SYT1: variants seen among roughly 807,000 people sequenced by gnomAD.
SYT1 encodes synaptotagmin-1.
A neutral mutation model predicts 44.8 loss-of-function variants in SYT1; 8 were observed. The ratio of observed to expected loss-of-function variants is 0.18; its 90% CI spans 0.10 to 0.32. The LOEUF is 0.32. SYT1 is among the 10% of genes least tolerant of loss of function. The pLI is 1.00. For synonymous variants in SYT1, 154 were observed against 188.8 expected, an observed-to-expected ratio of 0.82 and a Z score of 1.51; for missense variants, 286 against 509.3, an observed-to-expected ratio of 0.56 and a Z score of 4.22.
chr12:78,969,337 G>A lies in SYT1; in HGVS notation c.-216-8462G>A, dbSNP rs1239969933. On this transcript the variant is annotated intron_variant, in intron 1 of 10. Transcript: ENST00000261205. ...GACTGAATAAGATAAAGGTACAATG[G>A]CAATGGAAGACTTCCCTACAAAGGT... Among the ~76,000 whole-genome samples the A allele has an allele frequency of 2.0e-5, 3 of 152,242 alleles. No homozygotes were observed. In the East Asian group the frequency reaches 5.8e-4, roughly 29 times the overall value.
intron 9 of SYT1, among the ~76,000 whole-genome samples, chr12:79,377,387 G>A (rs534594219): frequency 1.3e-4 from 20 of 152,150 alleles, no homozygotes; most frequent in East Asian, 7.7e-4. Context: ...CTAGGATTAC[G>A]GTAACATGTG....
At chr12:79,221,808 A>G (rs928009936) in intron 4 of SYT1, among the ~76,000 whole-genome samples, 26 of 152,098 alleles carry the variant, frequency 1.7e-4, no homozygotes, top group African/African-American at 5.6e-4. Flanking sequence ...TTTAGCCTTC[A>G]TACTGAATTT....
chr12:79,243,680 C>T (rs1044599058), intron 4 of SYT1, among the ~76,000 whole-genome samples: 4 of 152,054 alleles, frequency 2.6e-5, no homozygotes, highest in African/African-American at 9.7e-5. Flanking sequence ...ATGTTAATTT[C>T]AAACCTCTAC....
At chr12:79,113,498 A>G (rs1235289391) in intron 3 of SYT1, among the ~76,000 whole-genome samples, 2 of 152,102 alleles carry the variant, frequency 1.3e-5, no homozygotes, top group African/African-American at 4.8e-5. Flanking sequence ...TGTCAATTGA[A>G]TTTTGGAAAT....
intron 9 of SYT1, among the ~76,000 whole-genome samples, chr12:79,376,789 G>A (rs1884011590): frequency 6.6e-6 from 1 of 152,126 alleles, no homozygotes. Flanking sequence ...TTCACAGGTA[G>A]GGTAAATGGC....
chr12:78,868,984 G>T (rs1199685427), intron 1 of SYT1: 1 of 151,730 alleles, frequency 6.6e-6, no homozygotes, highest in East Asian at 1.9e-4. Context: ...GTCTTTCTAA[G>T]GCTTTTGGCA....
At chr12:79,382,083 A>G (rs1052053521) in intron 9 of SYT1, among the ~76,000 whole-genome samples, 17 of 152,088 alleles carry the variant, frequency 1.1e-4, no homozygotes, top group African/African-American at 3.6e-4. Flanking sequence ...GTGTTTTTCA[A>G]TCAGTCGTCA....
At chr12:79,285,075 C>T (rs1164582502) in intron 4 of SYT1, among the ~76,000 whole-genome samples, 1 of 152,090 alleles carries the variant, frequency 6.6e-6, no homozygotes, top group African/African-American at 2.4e-5. Flanking sequence ...GGTTAAGAGC[C>T]ACCGAACACA....
At chr12:79,031,847 T>C (rs1872849463) in intron 2 of SYT1, among the ~76,000 whole-genome samples, 1 of 151,174 alleles carries the variant, frequency 6.6e-6, no homozygotes, top group African/African-American at 2.4e-5. Flanking sequence ...AAGTATCTCC[T>C]GTACCCGTTT....
At chr12:79,142,259 G>A (rs1020443819) in intron 3 of SYT1, among the ~76,000 whole-genome samples, 7 of 152,328 alleles carry the variant, frequency 4.6e-5, no homozygotes, top group Non-Finnish European at 7.3e-5. Context: ...TCCCTGTGGT[G>A]CCAGGTAAGC....
chr12:79,235,799 TAGTA>T (rs1471718480), intron 4 of SYT1, among the ~76,000 whole-genome samples: 1 of 151,996 alleles, frequency 6.6e-6, no homozygotes, highest in Non-Finnish European at 1.5e-5. Context: ...TCAGCATTCT[TAGTA>T]AGAAAATATA....
At chr12:79,434,195 A>C (rs1869956760) in intron 9 of SYT1, among the ~76,000 whole-genome samples, 1 of 152,236 alleles carries the variant, frequency 6.6e-6, no homozygotes, top group African/African-American at 2.4e-5. Flanking sequence ...TGTCTCATTA[A>C]AATGGAGTTG....
chr12:79,027,254 G>T (rs996956894), intron 2 of SYT1, among the ~76,000 whole-genome samples: 1 of 151,240 alleles, frequency 6.6e-6, no homozygotes, highest in Non-Finnish European at 1.5e-5. Flanking sequence ...TTTGCTGACC[G>T]CCTACTTTAA....
chr12:78,929,626 G>A lies in SYT1; in HGVS notation c.-216-48173G>A, dbSNP rs143432787. ...ATTTTATTTTAAAAAGCCAAATGAT[G>A]TAATGGAAAGTTGTGGAGTTTACAG... On this transcript the variant is annotated intron_variant, in intron 1 of 10. Transcript: ENST00000261205. Among the ~76,000 whole-genome samples the A allele has an allele frequency of 7.3e-3, 1,097 of 150,932 alleles. 15 individuals carry two copies. Among genetic ancestry groups the A allele is most frequent in the African/African-American group, 0.025 (1,041 of 41,432 alleles).
intron 2 of SYT1, chr12:78,995,967 C>T (rs1011376248): frequency 5.9e-5 from 9 of 152,264 alleles, no homozygotes; most frequent in Admixed American, 2.0e-4. Context: ...TCTTTTTCTA[C>T]GTAACATTAC....
intron 8 of SYT1, among the ~76,000 whole-genome samples, chr12:79,326,534 T>C (rs1005615260): frequency 4.1e-4 from 62 of 151,928 alleles, no homozygotes; most frequent in African/African-American, 1.4e-3. Flanking sequence ...CATTTTGCCC[T>C]TTGGAAAAAA....
chr12:78,955,371 T>G (rs1481706238), intron 1 of SYT1: 1 of 152,112 alleles, frequency 6.6e-6, no homozygotes, highest in Non-Finnish European at 1.5e-5. Context: ...GTCACATAGA[T>G]TTTTAGTTGG....
At chr12:79,271,490 G>A (rs1247818067) in intron 4 of SYT1, among the ~76,000 whole-genome samples, 1 of 152,062 alleles carries the variant, frequency 6.6e-6, no homozygotes, top group Non-Finnish European at 1.5e-5. Context: ...GCAAATATGA[G>A]AAATTGAGTT....
intron 1 of SYT1, among the ~76,000 whole-genome samples, chr12:78,962,229 A>G (rs1879542074): frequency 6.6e-6 from 1 of 152,020 alleles, no homozygotes; most frequent in Non-Finnish European, 1.5e-5. Flanking sequence ...AAACATACAT[A>G]TGAACTATCT....
Sources: allele counts gnomAD v4.1 joint callset (sites outside exome capture counted in the v4.1 genomes callset), GRCh38; gene constraint gnomAD v4.1.1; transcripts MANE v1.5; gene names NCBI Gene and HGNC (gene_info 2026-07-23, HGNC 2026-07-21).